The following SUGP2 variants were observed in gnomAD, a reference collection of about 807,000 sequenced individuals.
The protein encoded by SUGP2 is SURP and G-patch domain-containing protein 2.
In SUGP2, 24 loss-of-function variants were observed where a neutral mutation model predicts 90.5. The ratio of observed to expected loss-of-function variants is 0.27; its 90% CI spans 0.19 to 0.37. SUGP2 has a LOEUF of 0.37. Among genes scored for constraint, SUGP2 ranks in the 10% least tolerant of loss-of-function variants. The pLI, the probability that SUGP2 is intolerant of heterozygous loss-of-function variation, is 1.00. For synonymous variants in SUGP2, 473 were observed against 513.4 expected, an observed-to-expected ratio of 0.92 and a Z score of 1.06; for missense variants, 1,233 against 1,363.3, an observed-to-expected ratio of 0.90 and a Z score of 1.51.
chr19:19,004,724 A>G, intron 6 of SUGP2, 78 bp from the exon 7 acceptor site: 2 of 1,251,468 alleles, frequency 1.6e-6, no homozygotes, highest in East Asian at 4.7e-5. Context: ...GCTGGGATTG[A>G]TCCAAGGAAG....
intron 4 of SUGP2, among the ~76,000 whole-genome samples, chr19:19,015,310 A>G (rs1393821663): frequency 6.6e-6 from 1 of 152,236 alleles, no homozygotes; most frequent in African/African-American, 2.4e-5. Context: ...GGAGTGGAAC[A>G]TGGAAACAGG....
In SUGP2 at chr19:19,010,550, A is replaced by G. The variant is rs117768845; in HGVS notation, c.1851-208T>C. 1.6e-4 allele frequency among the ~76,000 whole-genome samples: 25 copies of G among 152,256 alleles called. No individual in the cohort carries two copies. In the East Asian group the frequency reaches 4.5e-3, roughly 27 times the overall value. On this transcript the variant is annotated intron_variant, in intron 4 of 10. Transcript: ENST00000452918. ...GACCACAGGGCAATCGGGAGTTTGA[A>G]CTGAGTTCCTCCTTGATTTCCATCA... is the stretch of plus-strand genomic sequence containing the variant.
intron 7 of SUGP2, among the ~76,000 whole-genome samples, chr19:19,003,236 A>C (rs1057092856): frequency 2.6e-5 from 4 of 152,248 alleles, no homozygotes; most frequent in African/African-American, 7.2e-5. Context: ...CCACTGTCAC[A>C]TGTAAATGTG....
chr19:19,004,636 C>A lies in SUGP2; in HGVS notation c.2461G>T (p.Asp821Tyr). The stretch of plus-strand genomic sequence containing the variant: ...AATTTGAAAGCAGAACTATTTTGGT[C>A]ATGTAGAAACCTGGGGCACAGAGGA... ...TDNPDLWFLH[D>Y]QNSSAFKFYR... The change falls in exon 7 of 11, where the codon GAC (aspartate) becomes TAC (tyrosine). Residue 821 changes from aspartate to tyrosine, a missense_variant. This residue lies in a region of SUGP2 where 540 missense variants were observed against 542.6 expected (regional missense o/e 1.00). Transcript: ENST00000452918. The A allele has an allele frequency of 2.5e-6, 4 of 1,603,724 alleles. No homozygotes were observed. In the South Asian group the frequency reaches 4.4e-5, roughly 18 times the overall value.
chr19:18,996,744 G>T (rs1310952757), intron 8 of SUGP2, among the ~76,000 whole-genome samples: 1 of 152,136 alleles, frequency 6.6e-6, no homozygotes, highest in East Asian at 1.9e-4. Flanking sequence ...TAGAGACGGG[G>T]TTTCGCCATG....
chr19:19,032,296 T>C (rs1361420086), intron 1 of SUGP2, among the ~76,000 whole-genome samples: 1 of 151,830 alleles, frequency 6.6e-6, no homozygotes, highest in African/African-American at 2.4e-5. Context: ...GTAGCTGGGA[T>C]TACAGGAGTC....
intron 2 of SUGP2, 53 bp downstream of exon 2, chr19:19,030,898 C>G: frequency 6.4e-7 from 1 of 1,565,800 alleles, no homozygotes. Flanking sequence ...TGCCTTGGCC[C>G]TAAGATACAC....
upstream of SUGP2, chr19:19,033,641 T>G: frequency 9.6e-7 from 1 of 1,046,540 alleles, no homozygotes; most frequent in Non-Finnish European, 1.2e-6. Flanking sequence ...TGTCCGCTTC[T>G]TCTGGGCGGA....
intron 7 of SUGP2, 62 bp from the exon 8 acceptor site, chr19:19,001,736 C>A: frequency 6.4e-7 from 1 of 1,553,838 alleles, no homozygotes; most frequent in Non-Finnish European, 8.9e-7. Context: ...TACTTAGAGA[C>A]TGAAGATCTT....
chr19:18,999,722 G>A (rs1478547144), intron 8 of SUGP2, among the ~76,000 whole-genome samples: 5 of 152,164 alleles, frequency 3.3e-5, no homozygotes, highest in Admixed American at 2.6e-4. Flanking sequence ...GATCTCGCCT[G>A]GCTCCCCGCC....
At chr19:19,013,438 G>A (rs933316996) in intron 4 of SUGP2, among the ~76,000 whole-genome samples, 2 of 152,052 alleles carry the variant, frequency 1.3e-5, no homozygotes, top group Non-Finnish European at 2.9e-5. Flanking sequence ...ATAGTAGTAC[G>A]GAAGTTATAG....
Position 19,026,101 on chromosome 19 carries a change from C to T in SUGP2, c.247G>A (p.Asp83Asn), listed in dbSNP as rs2058918205. 1 of 1,614,052 alleles carries T rather than the reference C, an allele frequency of 6.2e-7. No homozygotes were observed. Among genetic ancestry groups the T allele is most frequent in the Admixed American group, 1.7e-5 (1 of 59,988 alleles). The change falls in exon 3 of 11, where the codon GAC (aspartate) becomes AAC (asparagine). Residue 83 changes from aspartate to asparagine, a missense_variant. Asp to Asn is a conservative substitution (Grantham distance 23). Coordinates refer to ENST00000452918, the MANE Select transcript of SUGP2 (RefSeq NM_001017392.5). ...RDAGREGLRS[D>N]VFPGPSFRSS... ...CTGAAGGAAGGCCCTGGAAATACGT[C>T]ACTTCTCAGGCCTTCTCTTCCGGCA...
intron 4 of SUGP2, among the ~76,000 whole-genome samples, chr19:19,016,555 C>T (rs766207414): frequency 3.3e-5 from 5 of 152,126 alleles, no homozygotes; most frequent in African/African-American, 4.8e-5. Context: ...CCAAGAGGGT[C>T]GGTATCTGCT....
intron 8 of SUGP2, among the ~76,000 whole-genome samples, chr19:18,998,015 CAAG>C (rs1311798133): frequency 1.3e-5 from 2 of 152,150 alleles, no homozygotes; most frequent in African/African-American, 4.8e-5. Flanking sequence ...TCCTATCACA[CAAG>C]AAGAGATGGA....
chr19:19,002,011 A>G (rs2057853318), intron 7 of SUGP2, among the ~76,000 whole-genome samples: 1 of 152,202 alleles, frequency 6.6e-6, no homozygotes, highest in Non-Finnish European at 1.5e-5. Flanking sequence ...ATGACTACAG[A>G]AATATATTTT....
At chr19:19,022,316 C>T (rs560261023) in intron 3 of SUGP2, among the ~76,000 whole-genome samples, 3 of 152,252 alleles carry the variant, frequency 2.0e-5, no homozygotes, top group African/African-American at 4.8e-5. Context: ...ACATAAGCAG[C>T]GGTGGGGCAG....
intron 8 of SUGP2, among the ~76,000 whole-genome samples, chr19:18,997,972 T>C (rs1339882356): frequency 1.3e-5 from 2 of 152,078 alleles, no homozygotes; most frequent in African/African-American, 4.8e-5. Flanking sequence ...CTTGGATCCC[T>C]TCCCTGAAAT....
At chr19:19,005,432 A>T (rs2058025392) in intron 6 of SUGP2, among the ~76,000 whole-genome samples, 1 of 152,134 alleles carries the variant, frequency 6.6e-6, no homozygotes, top group Admixed American at 6.6e-5. Flanking sequence ...AAGAAAAATA[A>T]TATGTAAGAG....
At position 19,025,410 on chromosome 19, in the gene SUGP2, T is replaced by C. The variant is rs1267149505; in HGVS notation, c.938A>G (p.Lys313Arg). The stretch of plus-strand genomic sequence containing the variant: ...CTTATCTATGATGTCAAAGCTCATC[T>C]TTCTTCTGGGGAGCCGAAGATTCTT... ...DLKNLRLPRR[K>R]MSFDIIDKSD... Residue 313 changes from lysine (K) to arginine (R), a missense_variant, in exon 3 of 11, where the codon AAG becomes AGG. Around this residue, in one of 8 missense-constraint regions of SUGP2, gnomAD observed 418 missense variants for 399.9 expected, o/e 1.05. Transcript: ENST00000452918. 2.5e-6 allele frequency: 4 copies of C among 1,614,192 alleles called. No homozygotes were observed. The highest frequency in any genetic ancestry group is 2.5e-6 in the Non-Finnish European group (3 of 1,180,032).
Sources: gnomAD v4.1 joint callset for allele counts (sites outside exome capture counted in the v4.1 genomes callset) on GRCh38, gnomAD v4.1.1 for gene constraint, gnomAD v4.1.1 regional missense constraint, MANE v1.5 for transcripts, NCBI Gene and HGNC (gene_info 2026-07-23, HGNC 2026-07-21) for gene names.